Variants in SLC7A11 observed in about 807,000 individuals in gnomAD.
SLC7A11 encodes the protein solute carrier family 7 member 11.
A neutral mutation model predicts 54.5 loss-of-function variants in SLC7A11; 35 were observed. That is an observed-to-expected ratio of 0.64 (90% CI 0.49 to 0.85). SLC7A11 has a LOEUF of 0.85. Ranked by LOEUF, SLC7A11 falls within the 40% of genes least tolerant of loss-of-function variation. The pLI, the probability that SLC7A11 is intolerant of heterozygous loss-of-function variation, is 0.00. For synonymous variants in SLC7A11, 230 were observed against 225.2 expected, an observed-to-expected ratio of 1.02 and a Z score of -0.19; for missense variants, 583 against 618.1, an observed-to-expected ratio of 0.94 and a Z score of 0.60.
At chr4:138,180,922 A>C in intron 9 of SLC7A11, 132 bp from the exon 10 acceptor site, 1 of 850,466 alleles carries the variant, frequency 1.2e-6, no homozygotes. Context: ...CATAGTTAAA[A>C]CTTGGATTTG....
rs1363753519 is a variant in SLC7A11 at position 138,165,708 on chromosome 4, G to T, written c.*6248C>A. The T allele has an allele frequency of 6.6e-6, 1 of 152,082 alleles. No homozygotes were observed. Among genetic ancestry groups the T allele is most frequent in the African/African-American group, 2.4e-5 (1 of 41,432 alleles). 9.4% of individuals were successfully genotyped at this position (152,082 alleles called of 1,614,324 possible). On this transcript the variant is annotated 3_prime_UTR_variant, in exon 12 of 12. Coordinates refer to ENST00000280612, the MANE Select transcript of SLC7A11 (RefSeq NM_014331.4). ...GATACTACTATAGATTCTAGGAATTGTCCTAAAAGAGTAAAGTGTTGTTTC... is the reference window on the plus strand; with the variant it reads ...GATACTACTATAGATTCTAGGAATTTTCCTAAAAGAGTAAAGTGTTGTTTC...
chr4:138,226,746 A>G (rs1737958182), intron 3 of SLC7A11, among the ~76,000 whole-genome samples: 1 of 152,222 alleles, frequency 6.6e-6, no homozygotes, highest in Admixed American at 6.5e-5. Context: ...CTTTTAAAAA[A>G]TACTACCTTA....
intron 6 of SLC7A11, among the ~76,000 whole-genome samples, chr4:138,205,184 AG>A (rs1737378905): frequency 6.6e-6 from 1 of 152,078 alleles, no homozygotes; most frequent in African/African-American, 2.4e-5. Flanking sequence ...AAGGTCAAAC[AG>A]CTAGTTAAAA....
chr4:138,181,701 T>C (rs1736747047), intron 9 of SLC7A11, among the ~76,000 whole-genome samples: 1 of 152,098 alleles, frequency 6.6e-6, no homozygotes, highest in Admixed American at 6.6e-5. Flanking sequence ...ATTTGAGGAC[T>C]TTTACACCTC....
intron 1 of SLC7A11, among the ~76,000 whole-genome samples, chr4:138,238,201 C>T (rs969335723): frequency 6.6e-6 from 1 of 152,174 alleles, no homozygotes; most frequent in Admixed American, 6.5e-5. Context: ...GTTTCACTCT[C>T]TGTGAAATGG....
intron 3 of SLC7A11, 42 bp downstream of exon 3, chr4:138,232,225 G>T: frequency 8.0e-7 from 1 of 1,248,792 alleles, no homozygotes; most frequent in Non-Finnish European, 1.2e-6. Flanking sequence ...AATCATTTTT[G>T]TGTTGTTTTT....
intron 6 of SLC7A11, among the ~76,000 whole-genome samples, chr4:138,198,900 G>A (rs895448032): frequency 2.6e-5 from 4 of 152,018 alleles, no homozygotes; most frequent in Admixed American, 6.6e-5. Context: ...GGTGATATAC[G>A]AAAATATAAT....
chr4:138,172,514 A>T (rs892419931), intron 11 of SLC7A11, among the ~76,000 whole-genome samples: 2 of 152,156 alleles, frequency 1.3e-5, no homozygotes, highest in African/African-American at 4.8e-5. Flanking sequence ...AGAATGAGAG[A>T]CTAAATCAGT....
At chr4:138,227,029 G>A (rs538256955) in intron 3 of SLC7A11, among the ~76,000 whole-genome samples, 4 of 152,314 alleles carry the variant, frequency 2.6e-5, no homozygotes, top group African/African-American at 9.6e-5. Flanking sequence ...TTTGAAGGAA[G>A]CTATATTTGA....
At chr4:138,188,722 T>C (rs1736939924) in intron 6 of SLC7A11, among the ~76,000 whole-genome samples, 1 of 152,116 alleles carries the variant, frequency 6.6e-6, no homozygotes, top group South Asian at 2.1e-4. Flanking sequence ...ATGAAGGGAA[T>C]TAGAGGAAGG....
intron 6 of SLC7A11, among the ~76,000 whole-genome samples, chr4:138,192,526 T>C (rs1737035657): frequency 6.6e-6 from 1 of 152,106 alleles, no homozygotes; most frequent in Non-Finnish European, 1.5e-5. Flanking sequence ...GGGTTGTCTG[T>C]TGTAACAGCT....
chr4:138,211,655 T>C (rs1192001584), intron 6 of SLC7A11, among the ~76,000 whole-genome samples: 1 of 151,878 alleles, frequency 6.6e-6, no homozygotes, highest in Non-Finnish European at 1.5e-5. Context: ...CATGGATAAG[T>C]GGATACAGAA....
chr4:138,231,994 C>T (rs74530846), intron 3 of SLC7A11, among the ~76,000 whole-genome samples: 1 of 152,078 alleles, frequency 6.6e-6, no homozygotes, highest in Non-Finnish European at 1.5e-5. Flanking sequence ...CTTTAAAAGT[C>T]TTGTTCATGT....
Position 138,178,476 on chromosome 4 carries a change from A to C in SLC7A11, c.1444+741T>G, listed in dbSNP as rs185712459. 1.5e-3 allele frequency among the ~76,000 whole-genome samples: 232 copies of C among 152,252 alleles called. 3 individuals carry two copies. Among genetic ancestry groups the C allele is most frequent in the East Asian group, 0.015 (78 of 5,174 alleles). ...ATGTGTCTTTATAGTAGAATGATTTATAAACCTTTGGGTATATACCCAGTA... is the reference window on the plus strand; with the variant it reads ...ATGTGTCTTTATAGTAGAATGATTTCTAAACCTTTGGGTATATACCCAGTA... On this transcript the variant is annotated intron_variant, in intron 11 of 11. Transcript: ENST00000280612.
intron 3 of SLC7A11, among the ~76,000 whole-genome samples, chr4:138,228,525 G>A (rs143310145): frequency 0.013 from 1,980 of 152,072 alleles, 26 homozygotes; most frequent in African/African-American, 0.032. Context: ...TTGCGAGGCC[G>A]AGGCGGGCGG....
At chr4:138,237,833 C>CCTCTGT (rs1379774176) in intron 1 of SLC7A11, among the ~76,000 whole-genome samples, 1 of 138,760 alleles carries the variant, frequency 7.2e-6, no homozygotes, top group Non-Finnish European at 1.5e-5. Context: ...CTCACTGCAA[C>CCTCTGT]CTCTGTCTCC....
At chr4:138,179,090 T>A (rs1315794683) in intron 11 of SLC7A11, 127 bp downstream of exon 11, 10 of 628,660 alleles carry the variant, frequency 1.6e-5, no homozygotes, top group Non-Finnish European at 2.2e-5. Context: ...CCAATTAAAA[T>A]GCCATAATGT....
At chr4:138,196,795 G>T (rs1279596372) in intron 6 of SLC7A11, among the ~76,000 whole-genome samples, 1 of 152,090 alleles carries the variant, frequency 6.6e-6, no homozygotes, top group East Asian at 1.9e-4. Context: ...GAGTAGCTGG[G>T]ATTACAGGCA....
At chr4:138,196,036 A>G (rs920570767) in intron 6 of SLC7A11, among the ~76,000 whole-genome samples, 164 of 152,196 alleles carry the variant, frequency 1.1e-3, no homozygotes, top group African/African-American at 3.7e-3. Flanking sequence ...AAAGGGGAAG[A>G]TAGAAAGTTA....
Sources: gnomAD v4.1 joint callset for allele counts (sites outside exome capture counted in the v4.1 genomes callset) on GRCh38, gnomAD v4.1.1 for gene constraint, MANE v1.5 for transcripts, NCBI Gene and HGNC (gene_info 2026-07-23, HGNC 2026-07-21) for gene names.